Variants in CDKAL1 observed in about 807,000 individuals in gnomAD.
CDKAL1 encodes CDKAL1 threonylcarbamoyladenosine tRNA methylthiotransferase.
Under a neutral mutation model 68.2 loss-of-function variants are expected in CDKAL1, and 32 were observed. The observed-to-expected ratio is 0.47, with a 90% CI of 0.35 to 0.63. The LOEUF is 0.63. CDKAL1 is among the 30% of genes least tolerant of loss of function. The pLI is 0.00. For synonymous variants in CDKAL1, 234 were observed against 244.3 expected, an observed-to-expected ratio of 0.96 and a Z score of 0.39; for missense variants, 606 against 696.7, an observed-to-expected ratio of 0.87 and a Z score of 1.47.
intron 8 of CDKAL1, among the ~76,000 whole-genome samples, chr6:20,794,171 GCTTTTTCTTT>G (rs765180944): frequency 3.4e-4 from 51 of 151,880 alleles, no homozygotes; most frequent in Non-Finnish European, 5.6e-4. Context: ...TTCTGTATCT[GCTTTTTCTTT>G]TGAGCCCACA....
chr6:21,096,629 T>TTTAA (rs1773331917), intron 12 of CDKAL1, among the ~76,000 whole-genome samples: 1 of 152,232 alleles, frequency 6.6e-6, no homozygotes, highest in Admixed American at 6.5e-5. Context: ...TAACTTTTTG[T>TTTAA]TTAATTATAT....
intron 8 of CDKAL1, among the ~76,000 whole-genome samples, chr6:20,782,833 C>T (rs1775487656): frequency 6.6e-6 from 1 of 152,170 alleles, no homozygotes; most frequent in African/African-American, 2.4e-5. Context: ...TTTAGTGGGA[C>T]TATGCTAAAT....
chr6:21,105,555 AG>A (rs1215652779), intron 12 of CDKAL1, among the ~76,000 whole-genome samples: 1 of 152,254 alleles, frequency 6.6e-6, no homozygotes, highest in Non-Finnish European at 1.5e-5. Context: ...TATTAATATC[AG>A]GTCCAACTGC....
At chr6:20,864,558 A>G (rs1759804093) in intron 9 of CDKAL1, among the ~76,000 whole-genome samples, 1 of 152,190 alleles carries the variant, frequency 6.6e-6, no homozygotes, top group Non-Finnish European at 1.5e-5. Flanking sequence ...TGTGACTGAT[A>G]GCAAGTTATG....
At chr6:20,649,443 C>A in intron 5 of CDKAL1, 66 bp downstream of exon 5, 1 of 890,578 alleles carries the variant, frequency 1.1e-6, no homozygotes, top group Non-Finnish European at 1.8e-6. Context: ...AAAAGATTAG[C>A]TTTTTAAAAA....
At chr6:21,083,328 A>G (rs1772513351) in intron 12 of CDKAL1, among the ~76,000 whole-genome samples, 1 of 152,162 alleles carries the variant, frequency 6.6e-6, no homozygotes, top group Non-Finnish European at 1.5e-5. Flanking sequence ...GGTGCTCAAA[A>G]GTTTCAGATT....
intron 11 of CDKAL1, among the ~76,000 whole-genome samples, chr6:21,033,972 A>AAGCAGC (rs35161624): frequency 8.6e-5 from 13 of 151,636 alleles, no homozygotes; most frequent in Admixed American, 3.3e-4. Flanking sequence ...AATAGTGAGG[A>AAGCAGC]AGCAGCAGCA....
rs946283956 is a variant in CDKAL1, at chr6:20,546,521, C to T, written c.171C>T (p.Asp57=). The change falls in exon 3 of 16, where the codon GAC becomes GAT. Residue 57 remains aspartate, a splice_region_variant and synonymous_variant. Coordinates refer to ENST00000274695, the MANE Select transcript of CDKAL1 (RefSeq NM_017774.3). ...AGGAAGAAAACAGTCCACCAAGTGACAGGTAAGCTTTTTTCCTTGAAATTA... is the reference window on the plus strand; with the variant it reads ...AGGAAGAAAACAGTCCACCAAGTGATAGGTAAGCTTTTTTCCTTGAAATTA... ...LQEEENSPPS[D]STIPGIQKIW... is the part of the protein sequence containing the mutation. 4 of 1,611,678 alleles carry T rather than the reference C, an allele frequency of 2.5e-6. No homozygotes were observed. The African/African-American group carries it at 4.0e-5, about 16-fold the overall frequency.
intron 5 of CDKAL1, among the ~76,000 whole-genome samples, chr6:20,727,680 A>G (rs1772717731): frequency 6.6e-6 from 1 of 152,176 alleles, no homozygotes; most frequent in Non-Finnish European, 1.5e-5. Context: ...TTTTAGTAAG[A>G]TGGGGAAGGA....
chr6:21,159,196 G>A (rs1283533133), intron 13 of CDKAL1, among the ~76,000 whole-genome samples: 1 of 150,792 alleles, frequency 6.6e-6, no homozygotes, highest in African/African-American at 2.4e-5. Context: ...GTGTAATAGA[G>A]TTGGGGATGA....
At chr6:21,227,905 G>A (rs2151130019) in intron 15 of CDKAL1, among the ~76,000 whole-genome samples, 1 of 152,316 alleles carries the variant, frequency 6.6e-6, no homozygotes, top group East Asian at 1.9e-4. Context: ...AAAGAGTTTT[G>A]CTTTTATTTT....
At chr6:20,743,761 C>G (rs62399294) in intron 6 of CDKAL1, among the ~76,000 whole-genome samples, 8,682 of 152,246 alleles carry the variant, frequency 0.057, 285 homozygotes, top group African/African-American at 0.099. Context: ...GAGTCCAGAT[C>G]CTCTGGCTTT....
chr6:20,661,582 A>G (rs1769285179), intron 5 of CDKAL1, among the ~76,000 whole-genome samples: 1 of 96,870 alleles, frequency 1.0e-5, no homozygotes, highest in South Asian at 3.5e-4. Context: ...TTAGTGTTTA[A>G]TTCCTGGTTT....
chr6:20,835,972 C>T (rs551218880), intron 8 of CDKAL1, among the ~76,000 whole-genome samples: 2 of 152,230 alleles, frequency 1.3e-5, no homozygotes, highest in East Asian at 1.9e-4. Flanking sequence ...GCTTTGTGTA[C>T]TTTACATGAG....
At chr6:20,944,263 A>G (rs2150703717) in intron 9 of CDKAL1, among the ~76,000 whole-genome samples, 1 of 152,302 alleles carries the variant, frequency 6.6e-6, no homozygotes, top group East Asian at 1.9e-4. Flanking sequence ...TTGTTGTCTC[A>G]TATATTGTGT....
intron 9 of CDKAL1, among the ~76,000 whole-genome samples, chr6:20,853,004 T>C (rs1294482467): frequency 1.3e-5 from 2 of 152,248 alleles, no homozygotes; most frequent in Non-Finnish European, 2.9e-5. Context: ...AGGCCTCTGC[T>C]GCAACTATTT....
chr6:21,069,652 A>AT (rs1188444382), intron 12 of CDKAL1, among the ~76,000 whole-genome samples: 1 of 151,984 alleles, frequency 6.6e-6, no homozygotes. Context: ...CATTGGCCTC[A>AT]TAGAATTAGT....
At chr6:20,751,961 A>C (rs1349093278) in intron 6 of CDKAL1, among the ~76,000 whole-genome samples, 2 of 151,974 alleles carry the variant, frequency 1.3e-5, no homozygotes, top group African/African-American at 4.8e-5. Flanking sequence ...TATATTCTTC[A>C]TTACTGTATG....
chr6:21,113,375 G>A (rs1327761649), intron 13 of CDKAL1, among the ~76,000 whole-genome samples: 1 of 152,056 alleles, frequency 6.6e-6, no homozygotes, highest in African/African-American at 2.4e-5. Context: ...GGCTAAACAT[G>A]GTGGCTCATG....
Sources: allele counts gnomAD v4.1 joint callset (sites outside exome capture counted in the v4.1 genomes callset), GRCh38; gene constraint gnomAD v4.1.1; transcripts MANE v1.5; gene names NCBI Gene and HGNC (gene_info 2026-07-23, HGNC 2026-07-21).